The following FMN1 variants were observed in gnomAD, a reference collection of about 807,000 sequenced individuals.
FMN1 encodes the protein formin-1.
Under a neutral mutation model 132.4 loss-of-function variants are expected in FMN1, and 110 were observed. The ratio of observed to expected loss-of-function variants is 0.83; its 90% confidence interval spans 0.71 to 0.97. The LOEUF (loss-of-function observed/expected upper bound fraction) is 0.97. Ranked by LOEUF, FMN1 falls within the 50% of genes least tolerant of loss-of-function variation. The pLI, the probability that FMN1 is intolerant of heterozygous loss-of-function variation, is 0.00. For missense variants in FMN1, 1,792 were observed against 1,705.3 expected (o/e 1.05, Z -0.90); for synonymous variants, 722 against 651.7 (o/e 1.11, Z -1.64).
At chr15:32,993,662 G>A (rs75864868) in intron 7 of FMN1, among the ~76,000 whole-genome samples, 2 of 152,084 alleles carry the variant, frequency 1.3e-5, no homozygotes, top group African/African-American at 4.8e-5. Context: ...TGTTCCAGAG[G>A]GAGAATCAAG....
At chr15:32,878,502 A>AT (rs1173063796) in intron 16 of FMN1, among the ~76,000 whole-genome samples, 1 of 152,160 alleles carries the variant, frequency 6.6e-6, no homozygotes, top group Non-Finnish European at 1.5e-5. Flanking sequence ...AGAGCAATGA[A>AT]TTGATTCCAG....
Position 32,893,390 on chromosome 15 carries a change from G to C in FMN1, c.3715-5098C>G, listed in dbSNP as rs563405561. 1.3e-5 allele frequency among the ~76,000 whole-genome samples: 2 copies of C among 151,676 alleles called. 1 individual carries two copies. Among genetic ancestry groups the C allele is most frequent in the Admixed American group, 1.3e-4 (2 of 15,268 alleles). ...ATTGCGTGTGTGTGTGTGCGCGCTC[G>C]TGCGCGCGCTAGAAAAAAGGAAATG... On this transcript the variant is annotated intron_variant, in intron 15 of 20. Coordinates refer to ENST00000616417, the MANE Select transcript of FMN1 (RefSeq NM_001277313.2).
chr15:32,849,150 A>AT (rs76387836), intron 17 of FMN1, among the ~76,000 whole-genome samples: 99,766 of 140,102 alleles, frequency 0.71, 36,137 homozygotes, highest in Non-Finnish European at 0.79. Context: ...CGCTCAGCTA[A>AT]TTTTTTTTTT....
At chr15:33,179,158 G>A (rs1345214311) in intron 3 of FMN1, among the ~76,000 whole-genome samples, 3 of 152,084 alleles carry the variant, frequency 2.0e-5, no homozygotes, top group African/African-American at 7.2e-5. Flanking sequence ...ATATATCAAG[G>A]AGAGAAAAAT....
intron 16 of FMN1, 23 bp from the exon 17 acceptor site, chr15:32,857,130 A>T (rs2059151456): frequency 1.3e-6 from 2 of 1,579,100 alleles, no homozygotes; most frequent in Admixed American, 3.3e-5. Context: ...ATTTAGAATT[A>T]GACTTAGGAA....
At chr15:32,891,385 C>T (rs1023518928) in intron 15 of FMN1, among the ~76,000 whole-genome samples, 2 of 152,130 alleles carry the variant, frequency 1.3e-5, no homozygotes, top group African/African-American at 4.8e-5. Flanking sequence ...GCAGCTGGGA[C>T]CACAGGCACC....
intron 10 of FMN1, among the ~76,000 whole-genome samples, chr15:32,924,936 CA>C (rs1173386118): frequency 1.3e-5 from 2 of 151,888 alleles, no homozygotes; most frequent in East Asian, 1.9e-4. Context: ...AACCAAAAAC[CA>C]AAAAAACCCC....
At chr15:33,097,933 C>T (rs925443744) in intron 4 of FMN1, among the ~76,000 whole-genome samples, 8 of 152,162 alleles carry the variant, frequency 5.3e-5, no homozygotes, top group Non-Finnish European at 1.2e-4. Flanking sequence ...ACTCCATTCA[C>T]AGTAACTGTA....
At chr15:32,972,270 A>G (rs1267577512) in intron 7 of FMN1, among the ~76,000 whole-genome samples, 1 of 152,204 alleles carries the variant, frequency 6.6e-6, no homozygotes, top group Non-Finnish European at 1.5e-5. Flanking sequence ...TCTACTGTCT[A>G]CATGCTCTAT....
intron 7 of FMN1, among the ~76,000 whole-genome samples, chr15:32,983,738 G>A (rs963572781): frequency 3.3e-5 from 5 of 152,082 alleles, no homozygotes; most frequent in Non-Finnish European, 5.9e-5. Flanking sequence ...CATTACTCAC[G>A]TCTTAAAGAG....
At chr15:32,983,351 T>C (rs2032830619) in intron 7 of FMN1, among the ~76,000 whole-genome samples, 2 of 152,186 alleles carry the variant, frequency 1.3e-5, no homozygotes, top group Non-Finnish European at 2.9e-5. Flanking sequence ...GCCAGGAGCC[T>C]GAGATCAGAA....
chr15:32,809,314 G>C (rs13329660), intron 17 of FMN1, among the ~76,000 whole-genome samples: 44,296 of 152,026 alleles, frequency 0.29, 7,172 homozygotes, highest in Admixed American at 0.37. Flanking sequence ...ACCTGTAACA[G>C]GTTCCCCTCA....
At chr15:32,783,389 G>C (rs907758047) in intron 19 of FMN1, among the ~76,000 whole-genome samples, 4 of 152,128 alleles carry the variant, frequency 2.6e-5, no homozygotes, top group African/African-American at 9.7e-5. Context: ...AAAGACACAA[G>C]TGTAAGATGG....
At chr15:32,815,861 T>A (rs755511235) in intron 17 of FMN1, among the ~76,000 whole-genome samples, 21 of 152,184 alleles carry the variant, frequency 1.4e-4, no homozygotes, top group Non-Finnish European at 2.5e-4. Context: ...CACTGTGGAT[T>A]AACAGTGGAG....
At chr15:33,132,418 C>G (rs1461335477) in intron 4 of FMN1, among the ~76,000 whole-genome samples, 1 of 152,180 alleles carries the variant, frequency 6.6e-6, no homozygotes, top group Non-Finnish European at 1.5e-5. Context: ...CATAAAGAAG[C>G]TGCCTGTGTG....
At chr15:33,032,024 A>G (rs1242819836) in intron 6 of FMN1, among the ~76,000 whole-genome samples, 2 of 152,126 alleles carry the variant, frequency 1.3e-5, no homozygotes, top group African/African-American at 4.8e-5. Context: ...AACAAAAATA[A>G]TAATTACTAC....
intron 6 of FMN1, among the ~76,000 whole-genome samples, chr15:33,049,161 A>T (rs529605578): frequency 6.6e-6 from 1 of 152,316 alleles, no homozygotes; most frequent in South Asian, 2.1e-4. Context: ...CTTGGTGCTA[A>T]GGCCCTAAGT....
chr15:32,776,812 T>C (rs1414385045), intron 20 of FMN1, 23 bp downstream of exon 20: 1 of 1,439,550 alleles, frequency 6.9e-7, no homozygotes, highest in East Asian at 2.3e-5. Flanking sequence ...AATCGTTAGA[T>C]TATGTTGAAA....
At chr15:33,005,299 T>C (rs1387762495) in intron 7 of FMN1, among the ~76,000 whole-genome samples, 1 of 152,018 alleles carries the variant, frequency 6.6e-6, no homozygotes. Flanking sequence ...GTAAACATCA[T>C]AAATGTGGGG....
Sources: gnomAD v4.1 joint callset for allele counts (sites outside exome capture counted in the v4.1 genomes callset) on GRCh38, gnomAD v4.1.1 for gene constraint, MANE v1.5 for transcripts, NCBI Gene and HGNC (gene_info 2026-07-23, HGNC 2026-07-21) for gene names.